Variants in TSGA10 observed in about 807,000 individuals in gnomAD.
The protein encoded by TSGA10 is testis-specific gene 10 protein.
Under a neutral mutation model 96.6 loss-of-function variants are expected in TSGA10, and 43 were observed. The ratio of observed to expected loss-of-function variants is 0.44; its 90% CI spans 0.35 to 0.57. The LOEUF (loss-of-function observed/expected upper bound fraction) is 0.57, where lower values mean the gene tolerates loss of function less well. Among genes scored for constraint, TSGA10 ranks in the 20% least tolerant of loss-of-function variants. The pLI, the probability that TSGA10 is intolerant of heterozygous loss-of-function variation, is 0.01. For missense variants in TSGA10, 703 were observed against 834.4 expected (o/e 0.84, Z 1.94); for synonymous variants, 229 against 269.9 (o/e 0.85, Z 1.48).
chr2:99,019,844 C>T (rs2079854851), intron 18 of TSGA10, among the ~76,000 whole-genome samples: 1 of 152,088 alleles, frequency 6.6e-6, no homozygotes, highest in African/African-American at 2.4e-5. Flanking sequence ...AATCAATGTC[C>T]TGGGAAGTCT....
chr2:99,007,426 G>C (rs1386120211), intron 20 of TSGA10, among the ~76,000 whole-genome samples: 1 of 151,998 alleles, frequency 6.6e-6, no homozygotes, highest in Non-Finnish European at 1.5e-5. Context: ...TATTTACCAT[G>C]TAAATAGAAA....
intron 17 of TSGA10, among the ~76,000 whole-genome samples, chr2:99,024,611 C>T (rs1168574429): frequency 6.6e-6 from 1 of 152,128 alleles, no homozygotes; most frequent in East Asian, 1.9e-4. Context: ...GATAGTTTTA[C>T]TTCTTTTCCA....
At chr2:99,070,622 AT>A (rs1478988972) in intron 14 of TSGA10, among the ~76,000 whole-genome samples, 2 of 152,198 alleles carry the variant, frequency 1.3e-5, no homozygotes, top group Non-Finnish European at 2.9e-5. Flanking sequence ...AATCAAAAAA[AT>A]AGAAACTAAA....
At chr2:99,060,800 T>C (rs932357640) in intron 16 of TSGA10, among the ~76,000 whole-genome samples, 8 of 152,166 alleles carry the variant, frequency 5.3e-5, no homozygotes, top group African/African-American at 1.7e-4. Context: ...TTGATTTTTG[T>C]GAAAAATTTG....
At chr2:99,060,401 C>A (rs1014218408) in intron 16 of TSGA10, among the ~76,000 whole-genome samples, 1 of 152,114 alleles carries the variant, frequency 6.6e-6, no homozygotes, top group African/African-American at 2.4e-5. Flanking sequence ...AATACCTATA[C>A]ACTGAAAAGT....
At chr2:99,037,807 G>A (rs938542306) in intron 16 of TSGA10, among the ~76,000 whole-genome samples, 9 of 152,140 alleles carry the variant, frequency 5.9e-5, no homozygotes, top group Admixed American at 1.3e-4. Flanking sequence ...CTGGGATCGC[G>A]CCATTGCACT....
At chr2:99,113,882 C>T (rs2092020341) in intron 4 of TSGA10, among the ~76,000 whole-genome samples, 1 of 152,098 alleles carries the variant, frequency 6.6e-6, no homozygotes, top group African/African-American at 2.4e-5. Context: ...AAACAGTGAA[C>T]CAGAACAACC....
intron 7 of TSGA10, among the ~76,000 whole-genome samples, chr2:99,107,587 C>G (rs2091463890): frequency 6.6e-6 from 1 of 152,182 alleles, no homozygotes; most frequent in African/African-American, 2.4e-5. Context: ...TCTAGCCTGC[C>G]TCCTGTAGGT....
chr2:99,046,742 T>C (rs1017782629), intron 16 of TSGA10, among the ~76,000 whole-genome samples: 5 of 151,960 alleles, frequency 3.3e-5, no homozygotes, highest in African/African-American at 4.8e-5. Flanking sequence ...CTGAAGGATA[T>C]AGAGACACAA....
intron 16 of TSGA10, among the ~76,000 whole-genome samples, chr2:99,043,838 G>T (rs1279340886): frequency 6.6e-6 from 1 of 152,130 alleles, no homozygotes; most frequent in East Asian, 1.9e-4. Flanking sequence ...AATCTCTACA[G>T]AAATGCTACA....
chr2:99,080,499 C>G (rs2087328317), intron 11 of TSGA10, among the ~76,000 whole-genome samples: 1 of 152,148 alleles, frequency 6.6e-6, no homozygotes, highest in Non-Finnish European at 1.5e-5. Flanking sequence ...AAATATGTAT[C>G]TTTCTCTTCT....
chr2:99,089,280 G>A (rs2088974001), intron 10 of TSGA10, among the ~76,000 whole-genome samples: 1 of 152,206 alleles, frequency 6.6e-6, no homozygotes, highest in South Asian at 2.1e-4. Flanking sequence ...AGCCATCTCT[G>A]ACATTGTCTC....
chr2:99,103,193 G>T (rs1322127015), intron 10 of TSGA10, among the ~76,000 whole-genome samples: 1 of 151,892 alleles, frequency 6.6e-6, no homozygotes, highest in African/African-American at 2.4e-5. Context: ...AAGTTCCGGG[G>T]TACATGTGCA....
At chr2:99,091,842 T>C (rs2089391376) in intron 10 of TSGA10, among the ~76,000 whole-genome samples, 1 of 152,194 alleles carries the variant, frequency 6.6e-6, no homozygotes, top group Non-Finnish European at 1.5e-5. Flanking sequence ...AATACTCCAC[T>C]GACAGCACTT....
chr2:99,010,618 G>A (rs2078923402), intron 20 of TSGA10, among the ~76,000 whole-genome samples: 1 of 152,236 alleles, frequency 6.6e-6, no homozygotes, highest in Non-Finnish European at 1.5e-5. Flanking sequence ...AGGGAAGCCA[G>A]CAATGGCTTC....
chr2:99,134,227 T>C (rs2093231462), intron 1 of TSGA10, among the ~76,000 whole-genome samples: 3 of 152,162 alleles, frequency 2.0e-5, no homozygotes, highest in Admixed American at 2.0e-4. Context: ...CAATCAAAGG[T>C]AGGTCTGGTC....
At position 99,117,683 on chromosome 2, in the gene TSGA10, C is replaced by T. The variant is rs960223746; in HGVS notation, c.-279G>A. 7.1e-6 allele frequency: 7 copies of T among 985,746 alleles called. No individual in the cohort carries two copies. The highest frequency in any genetic ancestry group is 7.2e-6 in the Non-Finnish European group (6 of 829,892). The allele number at this position is 985,746 out of a possible 1,614,324, so 61.1% of individuals were successfully genotyped here. The stretch of plus-strand genomic sequence containing the variant: ...GCTGGTTAAATCATCTACTTGACTG[C>T]TTACCACCTCCTTACTATCCAAGAG... On this transcript the variant is annotated 5_prime_UTR_variant, in exon 4 of 21. Coordinates refer to ENST00000393483, the MANE Select transcript of TSGA10 (RefSeq NM_025244.4).
chr2:99,033,937 G>C (rs991317110), intron 17 of TSGA10, among the ~76,000 whole-genome samples: 3 of 152,172 alleles, frequency 2.0e-5, no homozygotes, highest in Non-Finnish European at 4.4e-5. Context: ...GAAGGAGGGT[G>C]AGCCAGGGCC....
chr2:99,068,886 A>G lies in TSGA10; in HGVS notation c.1218+2T>C. ...GAGCAAAAAGAAAAAAAAAATACAT[A>G]CTTCAGACTTTAATATATTCTTCAG... On this transcript the variant is annotated splice_donor_variant, in intron 15 of 20. Coordinates refer to ENST00000393483, the MANE Select transcript of TSGA10 (RefSeq NM_025244.4). LOFTEE classifies it high-confidence loss of function. The G allele has an allele frequency of 7.2e-7, 1 of 1,382,972 alleles. No homozygotes were observed. Among genetic ancestry groups the G allele is most frequent in the Non-Finnish European group, 9.5e-7 (1 of 1,047,478 alleles). The allele number at this position is 1,382,972 out of a possible 1,614,324, so 85.7% of individuals were successfully genotyped here.
Sources: allele counts gnomAD v4.1 joint callset (sites outside exome capture counted in the v4.1 genomes callset), GRCh38; gene constraint gnomAD v4.1.1; transcripts MANE v1.5; gene names NCBI Gene and HGNC (gene_info 2026-07-23, HGNC 2026-07-21).